MRPL16: variants seen among roughly 807,000 people sequenced by gnomAD.
The protein encoded by MRPL16 is mitochondrial ribosomal protein L16, also known as large ribosomal subunit protein uL16m.
Under a neutral mutation model 22.7 loss-of-function variants are expected in MRPL16, and 17 were observed. The observed-to-expected ratio is 0.75, with a 90% confidence interval of 0.51 to 1.12. The LOEUF is 1.12. Among genes scored for constraint, MRPL16 ranks in the 50% most tolerant of loss-of-function variants. MRPL16 has a pLI of 0.00. For synonymous variants in MRPL16, 103 were observed against 112.8 expected (o/e 0.91, Z 0.55); for missense variants, 316 against 328.7 (o/e 0.96, Z 0.30).
In MRPL16 at chr11:59,806,366, T is replaced by C; in HGVS notation, c.737A>G (p.Tyr246Cys). ...THKGKYWGKF[Y>C]MPKRV ...CACTCACTACACACGTTTGGGCATG[T>C]AGAACTTGCCCCAGTATTTCCCCTT... Residue 246 changes from tyrosine to cysteine, a missense_variant, in exon 4 of 4, where the codon TAC (tyrosine) becomes TGC (cysteine). Physicochemically the swap from Tyr to Cys is radical, Grantham distance 194 (BLOSUM62 -2). Transcript: ENST00000300151. The C allele has an allele frequency of 6.2e-7, 1 of 1,614,166 alleles. No individual in the cohort carries two copies.
rs746100825 is a variant in MRPL16, at chr11:59,806,545, T to C, written c.558A>G (p.Ala186=). The C allele has an allele frequency of 2.8e-5, 46 of 1,614,158 alleles. No homozygotes were observed. The highest frequency in any genetic ancestry group is 3.6e-5 in the Non-Finnish European group (43 of 1,180,060). ...GAGTCCCGCGGCTCACAGCCTTTGC[T>C]GCGAAGGGCAACTTGTGGGCAACCT... is the stretch of plus-strand genomic sequence containing the variant. ...LDQVAHKLPF[A]AKAVSRGTLE... is the part of the protein sequence containing the mutation. Residue 186 remains alanine, a synonymous_variant, in exon 4 of 4, where the codon GCA becomes GCG. Transcript: ENST00000300151.
chr11:59,809,133 T>C (rs1458667669), intron 2 of MRPL16, among the ~76,000 whole-genome samples: 1 of 152,168 alleles, frequency 6.6e-6, no homozygotes, highest in African/African-American at 2.4e-5. Flanking sequence ...CAGAAGACCC[T>C]CAGATGTACA....
At chr11:59,809,680 T>C (rs1485178919) in intron 2 of MRPL16, 175 bp downstream of exon 2, 2 of 673,718 alleles carry the variant, frequency 3.0e-6, no homozygotes, top group Non-Finnish European at 4.9e-6. Flanking sequence ...CCTTTGTCTT[T>C]GATTTATTTC....
In MRPL16 at chr11:59,809,915, A is replaced by G. The variant is rs770698623; in HGVS notation, c.61T>C (p.Trp21Arg). 2.2e-5 allele frequency: 36 copies of G among 1,612,968 alleles called. No individual in the cohort carries two copies. Among genetic ancestry groups the G allele is most frequent in the Middle Eastern group, 1.7e-4 (1 of 5,768 alleles). The change falls in exon 2 of 4, where the codon TGG becomes CGG. Residue 21 changes from tryptophan to arginine, a missense_variant. Coordinates refer to ENST00000300151, the MANE Select transcript of MRPL16 (RefSeq NM_017840.4). The stretch of plus-strand genomic sequence containing the variant: ...CCAGCACTGGCGGGGAGGAGTGCCC[A>G]GGAATCTACAAAGACAAATCAAGTT... ...PLLRVPLSDSWALLPASAGVK... is the reference protein window; with the variant it reads ...PLLRVPLSDSRALLPASAGVK...
intron 3 of MRPL16, 36 bp from the exon 4 acceptor site, chr11:59,806,868 A>G (rs1866107542): frequency 6.3e-7 from 1 of 1,585,592 alleles, no homozygotes; most frequent in Non-Finnish European, 8.6e-7. Flanking sequence ...ACACATGCGG[A>G]CTTCGACATC....
chr11:59,807,074 TA>T (rs1276773539), intron 3 of MRPL16, among the ~76,000 whole-genome samples: 1 of 151,876 alleles, frequency 6.6e-6, no homozygotes, highest in African/African-American at 2.4e-5. Context: ...AAGACCAGAA[TA>T]AAAAGAACTA....
Position 59,807,733 on chromosome 11 carries a change from T to A in MRPL16, c.238A>T (p.Thr80Ser), listed in dbSNP as rs1866127555. 7 of 1,612,870 alleles carry A rather than the reference T, an allele frequency of 4.3e-6. No homozygotes were observed. Among genetic ancestry groups the A allele is most frequent in the Non-Finnish European group, 5.9e-6 (7 of 1,179,616 alleles). ...SDIRGPSTEA[T>S]EFTEGNFAIL... Reference sequence around the variant, plus strand: ...GCAAAATTGCCTTCTGTAAACTCCGTAGCTTCAGTGGAAGGTCCCCGTATG... The same window carrying A: ...GCAAAATTGCCTTCTGTAAACTCCGAAGCTTCAGTGGAAGGTCCCCGTATG... Residue 80 changes from threonine (T) to serine (S), a missense_variant, in exon 3 of 4, where the codon ACG (threonine) becomes TCG (serine). Thr to Ser is a moderately conservative substitution (Grantham distance 58). Transcript: ENST00000300151.
chr11:59,810,186 T>G, intron 1 of MRPL16: 1 of 804,560 alleles, frequency 1.2e-6, no homozygotes, highest in Non-Finnish European at 1.7e-6. Flanking sequence ...TTTTTGTATT[T>G]TCAGTAGAGA....
In MRPL16 at chr11:59,806,719, G is replaced by C; in HGVS notation, c.384C>G (p.Phe128Leu). The C allele has an allele frequency of 2.5e-6, 4 of 1,614,224 alleles. No individual in the cohort carries two copies. The highest frequency in any genetic ancestry group is 3.4e-6 in the Non-Finnish European group (4 of 1,180,048). Residue 128 changes from phenylalanine to leucine, a missense_variant, in exon 4 of 4, where the codon TTC (phenylalanine) becomes TTG (leucine). Phe to Leu is a conservative substitution (Grantham distance 22). Coordinates refer to ENST00000300151, the MANE Select transcript of MRPL16 (RefSeq NM_017840.4). ...CAACACTTTTGCGAGTGATGGGCTT[G>C]AAAGGGGCTGGTACTCGCCATATGG... ...MFAIWRVPAP[F>L]KPITRKSVGH... is the part of the protein sequence containing the mutation.
chr11:59,808,306 C>A (rs558713305), intron 2 of MRPL16, among the ~76,000 whole-genome samples: 1 of 152,320 alleles, frequency 6.6e-6, no homozygotes, highest in South Asian at 2.1e-4. Context: ...ACCACTAGTT[C>A]ACTTAATCTT....
intron 3 of MRPL16, 87 bp downstream of exon 3, chr11:59,807,614 G>C: frequency 7.0e-7 from 1 of 1,428,302 alleles, no homozygotes; most frequent in South Asian, 1.4e-5. Flanking sequence ...AAACTGTGGA[G>C]GAAGAGACTA....
At chr11:59,806,954 C>T (rs981583941) in intron 3 of MRPL16, 122 bp from the exon 4 acceptor site, 12 of 1,367,872 alleles carry the variant, frequency 8.8e-6, no homozygotes, top group South Asian at 1.4e-5. Flanking sequence ...AATCTAAGTT[C>T]TAATAAGTCC....
At chr11:59,806,976 A>T (rs1156507692) in intron 3 of MRPL16, 144 bp from the exon 4 acceptor site, 18 of 1,231,224 alleles carry the variant, frequency 1.5e-5, no homozygotes, top group Non-Finnish European at 2.0e-5. Context: ...ATGGAGGAAA[A>T]GCCTAGGGTA....
chr11:59,810,567 G>A (rs985412133), intron 1 of MRPL16, 37 bp downstream of exon 1: 1 of 1,613,404 alleles, frequency 6.2e-7, no homozygotes, highest in African/African-American at 1.3e-5. Flanking sequence ...GGGAGGAAGA[G>A]GGGTAAAGTC....
intron 2 of MRPL16, 29 bp downstream of exon 2, chr11:59,809,826 T>G: frequency 6.3e-7 from 1 of 1,594,162 alleles, no homozygotes; most frequent in African/African-American, 1.3e-5. Context: ...GAGAAAAGAT[T>G]TACGAACAGG....
intron 3 of MRPL16, 147 bp downstream of exon 3, chr11:59,807,554 T>C: frequency 2.8e-6 from 2 of 713,588 alleles, no homozygotes; most frequent in Non-Finnish European, 4.3e-6. Flanking sequence ...GGGTACCCAG[T>C]AGCCTCTGTA....
At chr11:59,810,421 A>C (rs566900659) in intron 1 of MRPL16, 183 bp downstream of exon 1, 144 of 1,419,658 alleles carry the variant, frequency 1.0e-4, no homozygotes, top group East Asian at 9.6e-4. Context: ...GCCGACTCCC[A>C]GACGCAGCTG....
intron 2 of MRPL16, 160 bp downstream of exon 2, chr11:59,809,695 G>T: frequency 1.4e-6 from 1 of 719,264 alleles, no homozygotes; most frequent in Non-Finnish European, 2.3e-6. Context: ...TATTTCTAGT[G>T]CTCAGAATAT....
At position 59,806,598 on chromosome 11, in the gene MRPL16, A is replaced by G. The variant is rs774301394; in HGVS notation, c.505T>C (p.Phe169Leu). ...LVVEMGGRCE[F>L]EEVQGFLDQV... ...TCAAGGAAACCTTGCACTTCTTCAA[A>G]TTCACAACGCCCACCCATCTCTACA... Residue 169 changes from phenylalanine (F) to leucine (L), a missense_variant, in exon 4 of 4, where the codon TTT (phenylalanine) becomes CTT (leucine). Coordinates refer to ENST00000300151, the MANE Select transcript of MRPL16 (RefSeq NM_017840.4). 30 of 1,614,210 alleles carry G rather than the reference A, an allele frequency of 1.9e-5. No homozygotes were observed. The highest frequency in any genetic ancestry group is 2.5e-5 in the Non-Finnish European group (29 of 1,180,036).
Sources: gnomAD v4.1 joint callset for allele counts (sites outside exome capture counted in the v4.1 genomes callset) on GRCh38, gnomAD v4.1.1 for gene constraint, MANE v1.5 for transcripts, NCBI Gene and HGNC (gene_info 2026-07-23, HGNC 2026-07-21) for gene names.